The following BOD1L1 variants were observed in gnomAD, a reference collection of about 807,000 sequenced individuals.
The protein encoded by BOD1L1 is biorientation of chromosomes in cell division protein 1-like 1.
A neutral mutation model predicts 240.7 loss-of-function variants in BOD1L1; 86 were observed. The observed-to-expected ratio is 0.36, with a 90% CI of 0.30 to 0.43. The LOEUF (loss-of-function observed/expected upper bound fraction) is 0.43, where lower values mean the gene tolerates loss of function less well. Ranked by LOEUF, BOD1L1 falls within the 20% of genes least tolerant of loss-of-function variation. The pLI, the probability that BOD1L1 is intolerant of heterozygous loss-of-function variation, is 1.00. For missense variants in BOD1L1, 3,554 were observed against 3,643.5 expected (o/e 0.98, Z 0.63); for synonymous variants, 1,268 against 1,272.3 (o/e 1.00, Z 0.07).
In BOD1L1 at chr4:13,569,431, G is replaced by C. The variant is rs1167793100; in HGVS notation, c.*580C>G. ...TTTACTTGGATACATGCGAGTTTCT[G>C]CCAGATCATATTAAGATAGTTACAG... On this transcript the variant is annotated 3_prime_UTR_variant, in exon 26 of 26. Coordinates refer to ENST00000040738, the MANE Select transcript of BOD1L1 (RefSeq NM_148894.3). 1 of 152,074 alleles carries C rather than the reference G, an allele frequency of 6.6e-6. No individual in the cohort carries two copies. Among genetic ancestry groups the C allele is most frequent in the Non-Finnish European group, 1.5e-5 (1 of 68,032 alleles). 9.4% of individuals were successfully genotyped at this position (152,074 alleles called of 1,614,324 possible).
At chr4:13,596,634 A>C (rs924091658) in intron 11 of BOD1L1, among the ~76,000 whole-genome samples, 35 of 152,102 alleles carry the variant, frequency 2.3e-4, no homozygotes, top group Non-Finnish European at 1.3e-4. Flanking sequence ...AAGCCACCAC[A>C]AATTTTAAGC....
rs770432174 is a variant in BOD1L1, at chr4:13,602,277, A to G, written c.4623T>C (p.Thr1541=). ...CCTCACTTTGTCTTGTTTCTGAAGA[A>G]GTGGTTGTGGCAGGCCCAGCCTTCA... ...SPVKAGPATT[T]SSETRQSEVA... The change falls in exon 10 of 26, where the codon ACT becomes ACC. Residue 1541 remains threonine, a synonymous_variant. Transcript: ENST00000040738. The G allele has an allele frequency of 6.2e-7, 1 of 1,614,000 alleles. No individual in the cohort carries two copies. The highest frequency in any genetic ancestry group is 1.6e-4 in the Middle Eastern group (1 of 6,062).
chr4:13,600,734 T>C lies in BOD1L1; in HGVS notation c.6166A>G (p.Thr2056Ala). 6.2e-7 allele frequency: 1 copy of C among 1,614,020 alleles called. No individual in the cohort carries two copies. Among genetic ancestry groups the C allele is most frequent in the Non-Finnish European group, 8.5e-7 (1 of 1,179,884 alleles). ...LMATTASGDI[T>A]NQNSLAGGKN... ...CCCCCTGCTAAGCTATTCTGGTTGG[T>C]AATATCACCACTGGCTGTAGTTGCC... Residue 2056 changes from threonine to alanine, a missense_variant, in exon 10 of 26, where the codon ACC becomes GCC. Thr to Ala is a moderately conservative substitution (Grantham distance 58). Transcript: ENST00000040738.
chr4:13,586,827 G>C (rs1259517005), intron 16 of BOD1L1, among the ~76,000 whole-genome samples: 1 of 152,102 alleles, frequency 6.6e-6, no homozygotes, highest in African/African-American at 2.4e-5. Context: ...ATGGGCTTTG[G>C]AATCAGATTT....
chr4:13,577,694 C>G, intron 22 of BOD1L1, 63 bp from the exon 23 acceptor site: 2 of 1,265,306 alleles, frequency 1.6e-6, no homozygotes, highest in South Asian at 2.7e-5. Context: ...TTTCAACAAT[C>G]AGCCTGGCTT....
At chr4:13,621,345 T>A (rs1160456914) in intron 1 of BOD1L1, among the ~76,000 whole-genome samples, 1 of 152,240 alleles carries the variant, frequency 6.6e-6, no homozygotes, top group Non-Finnish European at 1.5e-5. Flanking sequence ...TTTGCCTCCT[T>A]TTAGCTTCAA....
intron 12 of BOD1L1, chr4:13,593,418 G>T (rs1714375533): frequency 6.6e-6 from 1 of 152,006 alleles, no homozygotes; most frequent in Non-Finnish European, 1.5e-5. Context: ...ATAAAGTAAT[G>T]ATGGGTGCCT....
Position 13,601,590 on chromosome 4 carries a change from TC to T in BOD1L1, c.5309del (p.Gly1770GlufsTer12), listed in dbSNP as rs1299019676. On this transcript the variant is annotated frameshift_variant, in exon 10 of 26. Transcript: ENST00000040738. LOFTEE classifies it high-confidence loss of function. Reference sequence around the variant, plus strand: ...CATCTCCTTCTTGGCTGGCACTTGTTCCTGGTGGTGCATCATTATCTCCCAG... The same window carrying T: ...CATCTCCTTCTTGGCTGGCACTTGTTCTGGTGGTGCATCATTATCTCCCAG... ...VVLGDNDAPP[G>X]TSASQEGDGS... The T allele has an allele frequency of 6.2e-7, 1 of 1,614,032 alleles. No homozygotes were observed. Among genetic ancestry groups the T allele is most frequent in the South Asian group, 1.1e-5 (1 of 91,088 alleles).
chr4:13,588,934 G>A (rs1713954138), intron 14 of BOD1L1, 142 bp from the exon 15 acceptor site: 1 of 526,044 alleles, frequency 1.9e-6, no homozygotes, highest in African/African-American at 2.0e-5. Context: ...CATTGTGGTA[G>A]ATAGTCACAA....
Position 13,588,826 on chromosome 4 carries a change from T to G in BOD1L1, c.8210-34A>C, listed in dbSNP as rs1300274376. 8 of 1,402,048 alleles carry G rather than the reference T, an allele frequency of 5.7e-6. No individual in the cohort carries two copies. The African/African-American group carries it at 8.8e-5, about 15-fold the overall frequency. 86.9% of individuals were successfully genotyped at this position (1,402,048 alleles called of 1,614,324 possible). A position where few individuals can be genotyped will look rare whatever the true frequency, so the allele number is the denominator to read the frequency against. ...TAAATACAAAAAAGAAAAAAAAATCTTAAATATTTTTATATTCCAATACTT... is the reference window on the plus strand; with the variant it reads ...TAAATACAAAAAAGAAAAAAAAATCGTAAATATTTTTATATTCCAATACTT... On this transcript the variant is annotated intron_variant, in intron 14 of 25. Transcript: ENST00000040738.
Position 13,569,904 on chromosome 4 carries a change from C to T in BOD1L1, c.*107G>A. Reference sequence around the variant, plus strand: ...AAAGCTTGCACCTAGGGACTTACAGCACATGCATATCTTTTTCCTGGTTAA... The same window carrying T: ...AAAGCTTGCACCTAGGGACTTACAGTACATGCATATCTTTTTCCTGGTTAA... On this transcript the variant is annotated 3_prime_UTR_variant, in exon 26 of 26. Coordinates refer to ENST00000040738, the MANE Select transcript of BOD1L1 (RefSeq NM_148894.3). 1 of 711,882 alleles carries T rather than the reference C, an allele frequency of 1.4e-6. No homozygotes were observed. 44.1% of individuals were successfully genotyped at this position (711,882 alleles called of 1,614,324 possible).
chr4:13,600,528 T>A lies in BOD1L1; in HGVS notation c.6372A>T (p.Ser2124=), dbSNP rs757740313. 1 of 1,614,002 alleles carries A rather than the reference T, an allele frequency of 6.2e-7. No homozygotes were observed. The highest frequency in any genetic ancestry group is 1.7e-5 in the Admixed American group (1 of 60,022). The change falls in exon 10 of 26, where the codon TCA becomes TCT. Residue 2124 remains serine (S), a synonymous_variant. Transcript: ENST00000040738. The part of the protein sequence containing the change: ...EFEAPMPSAV[S]GDDSQLTASR... ...TGGCAGTGAGTTGGCTGTCATCTCCTGAGACTGCACTGGGCATGGGGGCCT... is the reference window on the plus strand; with the variant it reads ...TGGCAGTGAGTTGGCTGTCATCTCCAGAGACTGCACTGGGCATGGGGGCCT...
chr4:13,573,178 G>A (rs941196468), intron 25 of BOD1L1, among the ~76,000 whole-genome samples: 9 of 152,092 alleles, frequency 5.9e-5, no homozygotes, highest in African/African-American at 1.7e-4. Flanking sequence ...CAAGATTAAC[G>A]AAAGTACAAT....
rs1236055951 is a variant in BOD1L1, at chr4:13,582,686, T to G, written c.8484A>C (p.Thr2828=). Residue 2828 remains threonine, a synonymous_variant, in exon 18 of 26, where the codon ACA becomes ACC. Transcript: ENST00000040738. Reference sequence around the variant, plus strand: ...CCATGACCCTTGAGGTAGTGCTATTTGTCTCAGAACTGGTTTTAGGTAATT... The same window carrying G: ...CCATGACCCTTGAGGTAGTGCTATTGGTCTCAGAACTGGTTTTAGGTAATT... The part of the protein sequence containing the change: ...LEELPKTSSE[T]NSTTSRVMEE... The G allele has an allele frequency of 6.2e-7, 1 of 1,613,282 alleles. No homozygotes were observed. The highest frequency in any genetic ancestry group is 1.7e-5 in the Admixed American group (1 of 60,006).
In BOD1L1 at chr4:13,604,169, T is replaced by G; in HGVS notation, c.2731A>C (p.Lys911Gln). The change falls in exon 10 of 26, where the codon AAG becomes CAG. Residue 911 changes from lysine (K) to glutamine (Q), a missense_variant. Coordinates refer to ENST00000040738, the MANE Select transcript of BOD1L1 (RefSeq NM_148894.3). ...TTGCCTTGAGTTTTTGATTTAGACT[T>G]CAACACAAGTTTCTCTTCTAACAAG... ...KSLLEEKLVL[K>Q]SKSKTQGKQV... 6.2e-7 allele frequency: 1 copy of G among 1,613,078 alleles called. No individual in the cohort carries two copies. The highest frequency in any genetic ancestry group is 1.1e-5 in the South Asian group (1 of 90,764).
chr4:13,603,536 T>G lies in BOD1L1; in HGVS notation c.3364A>C (p.Ile1122Leu). ...TLIPEQEPMEIDSEPGVENVF... is the reference protein window; with the variant it reads ...TLIPEQEPMELDSEPGVENVF... ...TTTTCAACACCTGGCTCAGAATCAATTTCCATTGGCTCTTGTTCAGGGATC... is the reference window on the plus strand; with the variant it reads ...TTTTCAACACCTGGCTCAGAATCAAGTTCCATTGGCTCTTGTTCAGGGATC... Residue 1122 changes from isoleucine to leucine, a missense_variant, in exon 10 of 26, where the codon ATT becomes CTT. By Grantham distance (5) the Ile-to-Leu change is conservative (BLOSUM62 2). Around this residue, in one of 2 missense-constraint regions of BOD1L1, gnomAD observed 3,393 missense variants for 3,427.1 expected, o/e 0.99. Transcript: ENST00000040738. The G allele has an allele frequency of 1.2e-6, 2 of 1,614,002 alleles. No homozygotes were observed. The highest frequency in any genetic ancestry group is 3.3e-5 in the Admixed American group (2 of 60,018).
chr4:13,589,322 G>A (rs1336720765), intron 14 of BOD1L1, among the ~76,000 whole-genome samples: 1 of 152,126 alleles, frequency 6.6e-6, no homozygotes, highest in Non-Finnish European at 1.5e-5. Flanking sequence ...CACTACATAA[G>A]CACTGGGAAA....
chr4:13,600,928 A>C lies in BOD1L1; in HGVS notation c.5972T>G (p.Leu1991Arg). The change falls in exon 10 of 26, where the codon CTC becomes CGC. Residue 1991 changes from leucine (L) to arginine (R), a missense_variant. Around this residue, in one of 2 missense-constraint regions of BOD1L1, gnomAD observed 3,393 missense variants for 3,427.1 expected, o/e 0.99. Coordinates refer to ENST00000040738, the MANE Select transcript of BOD1L1 (RefSeq NM_148894.3). Reference protein sequence around the residue: ...SAASDQSDSQLEKVEDTTIST... With the variant: ...SAASDQSDSQREKVEDTTIST... ...AATAGTGGTATCTTCAACTTTTTCGAGCTGACTGTCACTTTGATCAGATGC... is the reference window on the plus strand; with the variant it reads ...AATAGTGGTATCTTCAACTTTTTCGCGCTGACTGTCACTTTGATCAGATGC... The C allele has an allele frequency of 6.2e-7, 1 of 1,613,968 alleles. No individual in the cohort carries two copies. The highest frequency in any genetic ancestry group is 8.5e-7 in the Non-Finnish European group (1 of 1,179,882).
At chr4:13,575,277 T>C (rs1712614763) in intron 25 of BOD1L1, among the ~76,000 whole-genome samples, 1 of 152,166 alleles carries the variant, frequency 6.6e-6, no homozygotes, top group African/African-American at 2.4e-5. Flanking sequence ...TTAGTGTTAT[T>C]TTTGAAATAA....
Sources: allele counts gnomAD v4.1 joint callset (sites outside exome capture counted in the v4.1 genomes callset), GRCh38; gene constraint gnomAD v4.1.1; regional missense constraint gnomAD v4.1.1; transcripts MANE v1.5; gene names NCBI Gene and HGNC (gene_info 2026-07-23, HGNC 2026-07-21).